The following PTPRM variants were observed in gnomAD, a reference collection of about 807,000 sequenced individuals.
The protein encoded by PTPRM is protein tyrosine phosphatase receptor type M, also known as receptor-type tyrosine-protein phosphatase mu.
Under a neutral mutation model 186.7 loss-of-function variants are expected in PTPRM, and 47 were observed. The ratio of observed to expected loss-of-function variants is 0.25; its 90% confidence interval spans 0.20 to 0.32. The LOEUF is 0.32. PTPRM is among the 10% of genes least tolerant of loss of function. PTPRM has a pLI of 1.00. For missense variants in PTPRM, 1,494 were observed against 1,865.0 expected (o/e 0.80, Z 3.66); for synonymous variants, 668 against 674.9 (o/e 0.99, Z 0.16).
At chr18:8,396,162 T>C (rs930861878) in intron 32 of PTPRM, among the ~76,000 whole-genome samples, 2 of 152,216 alleles carry the variant, frequency 1.3e-5, no homozygotes, top group Non-Finnish European at 2.9e-5. Flanking sequence ...CGCCATGGAA[T>C]TCCCAGTGTT....
At chr18:8,359,441 T>C (rs1419067102) in intron 23 of PTPRM, among the ~76,000 whole-genome samples, 10 of 152,258 alleles carry the variant, frequency 6.6e-5, no homozygotes, top group Non-Finnish European at 1.5e-4. Flanking sequence ...ATGGACACTC[T>C]TGCTGCTTTG....
At chr18:8,194,687 G>A (rs1009805905) in intron 14 of PTPRM, among the ~76,000 whole-genome samples, 4 of 152,348 alleles carry the variant, frequency 2.6e-5, no homozygotes, top group African/African-American at 9.6e-5. Flanking sequence ...AGCCGTGGCT[G>A]TATTCATCCA....
At chr18:7,830,783 C>T (rs1045432220) in intron 2 of PTPRM, among the ~76,000 whole-genome samples, 3 of 152,186 alleles carry the variant, frequency 2.0e-5, no homozygotes, top group Non-Finnish European at 2.9e-5. Context: ...AGAGGTAAGT[C>T]TGTGTCCTTC....
intron 7 of PTPRM, among the ~76,000 whole-genome samples, chr18:7,996,265 G>C (rs926150227): frequency 6.6e-6 from 1 of 151,808 alleles, no homozygotes; most frequent in African/African-American, 2.4e-5. Flanking sequence ...GCAAATCGAT[G>C]AATGTGATAC....
intron 1 of PTPRM, among the ~76,000 whole-genome samples, chr18:7,727,176 T>C (rs1339429688): frequency 6.6e-6 from 1 of 152,118 alleles, no homozygotes; most frequent in Admixed American, 6.5e-5. Context: ...AACAGGGATA[T>C]TGTAAGAAGG....
chr18:8,191,784 T>C (rs1202092271), intron 14 of PTPRM, among the ~76,000 whole-genome samples: 1 of 152,142 alleles, frequency 6.6e-6, no homozygotes, highest in African/African-American at 2.4e-5. Context: ...GTTTTGACTT[T>C]AGAACCAAAT....
At chr18:8,138,511 G>C (rs560462521) in intron 13 of PTPRM, among the ~76,000 whole-genome samples, 1 of 152,176 alleles carries the variant, frequency 6.6e-6, no homozygotes, top group South Asian at 2.1e-4. Flanking sequence ...TTTGGCCTGA[G>C]ATTTCTCACA....
At chr18:8,154,967 A>G (rs111552134) in intron 14 of PTPRM, 5 of 152,336 alleles carry the variant, frequency 3.3e-5, no homozygotes, top group African/African-American at 1.2e-4. Flanking sequence ...TTTCCGTCCC[A>G]CAAATTATGT....
At chr18:7,876,030 A>G (rs2048223535) in intron 2 of PTPRM, among the ~76,000 whole-genome samples, 1 of 152,168 alleles carries the variant, frequency 6.6e-6, no homozygotes, top group South Asian at 2.1e-4. Context: ...GCAAAGGTGC[A>G]GTAAAATTAG....
intron 7 of PTPRM, among the ~76,000 whole-genome samples, chr18:7,998,761 T>A (rs1482570065): frequency 6.6e-6 from 1 of 152,138 alleles, no homozygotes; most frequent in Non-Finnish European, 1.5e-5. Flanking sequence ...TTTAAGTGAT[T>A]CTCATGCCTC....
intron 3 of PTPRM, among the ~76,000 whole-genome samples, chr18:7,905,556 C>T (rs1428658473): frequency 6.6e-6 from 1 of 152,188 alleles, no homozygotes; most frequent in African/African-American, 2.4e-5. Context: ...CCTGGTGTCT[C>T]TGTCCTGAAG....
intron 14 of PTPRM, among the ~76,000 whole-genome samples, chr18:8,204,883 G>A (rs540290094): frequency 2.6e-5 from 4 of 152,186 alleles, no homozygotes; most frequent in African/African-American, 9.6e-5. Flanking sequence ...TGATACTTCT[G>A]GTCAGAGTGT....
chr18:7,648,067 C>A (rs2038607151), intron 1 of PTPRM, among the ~76,000 whole-genome samples: 2 of 151,974 alleles, frequency 1.3e-5, no homozygotes, highest in South Asian at 4.1e-4. Flanking sequence ...AAAATAGGCC[C>A]ACTTTGTATT....
At chr18:8,313,361 G>A (rs547395140) in intron 20 of PTPRM, among the ~76,000 whole-genome samples, 128 of 152,264 alleles carry the variant, frequency 8.4e-4, no homozygotes, top group Non-Finnish European at 1.6e-3. Flanking sequence ...TAATTGGAAG[G>A]AAGGGTCCCT....
chr18:7,590,433 C>T (rs1289029036), intron 1 of PTPRM, among the ~76,000 whole-genome samples: 1 of 152,062 alleles, frequency 6.6e-6, no homozygotes, highest in Non-Finnish European at 1.5e-5. Flanking sequence ...AAGATGGTCA[C>T]TTGGATACCT....
intron 1 of PTPRM, among the ~76,000 whole-genome samples, chr18:7,685,688 C>T (rs2039585605): frequency 3.3e-5 from 5 of 152,058 alleles, no homozygotes. Flanking sequence ...AAAGCAAAAC[C>T]ATTAGAAGTA....
intron 14 of PTPRM, among the ~76,000 whole-genome samples, chr18:8,180,693 A>G (rs1452647291): frequency 6.6e-6 from 1 of 152,090 alleles, no homozygotes; most frequent in Non-Finnish European, 1.5e-5. Flanking sequence ...TTACCGGTTC[A>G]TTATTCCTAG....
At position 8,344,448 on chromosome 18, in the gene PTPRM, G is replaced by GTATATATATA. The variant is rs1207996603; in HGVS notation, c.3054+946_3054+955dup. Among the ~76,000 whole-genome samples the GTATATATATA allele has an allele frequency of 4.6e-3, 153 of 33,384 alleles. 1 individual carries two copies. The highest frequency in any genetic ancestry group is 4.8e-3 in the Non-Finnish European group (45 of 9,312). The allele number at this position is 33,384 out of a possible 152,430, so 21.9% of individuals were successfully genotyped here. On this transcript the variant is annotated intron_variant, in intron 23 of 32. Coordinates refer to ENST00000580170, the MANE Select transcript of PTPRM (RefSeq NM_001105244.2). ...TATATATATGTGTGTGTGTGTGTGT[G>GTATATATATA]TATATATATATATATATATATATAT... is the stretch of plus-strand genomic sequence containing the variant.
At chr18:8,225,908 G>A (rs759105482) in intron 14 of PTPRM, among the ~76,000 whole-genome samples, 32 of 152,060 alleles carry the variant, frequency 2.1e-4, no homozygotes, top group Non-Finnish European at 4.7e-4. Context: ...AGTATCAGTA[G>A]CCTAAATATA....
Sources: allele counts gnomAD v4.1 joint callset (sites outside exome capture counted in the v4.1 genomes callset), GRCh38; gene constraint gnomAD v4.1.1; transcripts MANE v1.5; gene names NCBI Gene and HGNC (gene_info 2026-07-23, HGNC 2026-07-21).